Variants in PPP2R2B observed in about 807,000 individuals in gnomAD.
PPP2R2B encodes serine/threonine-protein phosphatase 2A 55 kDa regulatory subunit B beta isoform.
A neutral mutation model predicts 46.0 loss-of-function variants in PPP2R2B; 5 were observed. That is an observed-to-expected ratio of 0.11 (90% CI 0.06 to 0.23). PPP2R2B has a LOEUF of 0.23. Ranked by LOEUF, PPP2R2B falls within the 10% of genes least tolerant of loss-of-function variation. The pLI, the probability that PPP2R2B is intolerant of heterozygous loss-of-function variation, is 1.00. For missense variants in PPP2R2B, 367 were observed against 575.0 expected, an observed-to-expected ratio of 0.64 and a Z score of 3.70; for synonymous variants, 215 against 206.7, an observed-to-expected ratio of 1.04 and a Z score of -0.34.
intron 1 of PPP2R2B, among the ~76,000 whole-genome samples, chr5:147,019,451 A>C (rs1710351870): frequency 1.3e-5 from 2 of 152,216 alleles, no homozygotes; most frequent in South Asian, 4.1e-4. Flanking sequence ...GTATGTATAC[A>C]ATATCCACCA....
At chr5:146,735,699 A>G (rs1278529614) in intron 2 of PPP2R2B, among the ~76,000 whole-genome samples, 2 of 152,190 alleles carry the variant, frequency 1.3e-5, no homozygotes, top group Admixed American at 6.5e-5. Context: ...GCTGAGGGAC[A>G]CTTGTCAAAA....
At chr5:146,898,050 T>G (rs1268330520) in intron 1 of PPP2R2B, among the ~76,000 whole-genome samples, 1 of 152,084 alleles carries the variant, frequency 6.6e-6, no homozygotes, top group Non-Finnish European at 1.5e-5. Context: ...CCGGGTGTGG[T>G]GGCAGGAGCC....
chr5:146,856,521 A>G (rs752678777), intron 2 of PPP2R2B: 5 of 1,609,634 alleles, frequency 3.1e-6, no homozygotes, highest in South Asian at 2.2e-5. Flanking sequence ...AGGTGTTTTC[A>G]TCTGGATAAT....
At chr5:146,997,935 G>A (rs1429151520) in intron 1 of PPP2R2B, among the ~76,000 whole-genome samples, 4 of 152,148 alleles carry the variant, frequency 2.6e-5, no homozygotes, top group Non-Finnish European at 4.4e-5. Context: ...GCAATGCAAA[G>A]TTTGATTTAA....
intron 1 of PPP2R2B, among the ~76,000 whole-genome samples, chr5:147,031,842 C>T (rs764796630): frequency 6.6e-6 from 1 of 152,086 alleles, no homozygotes; most frequent in Non-Finnish European, 1.5e-5. Flanking sequence ...TGCCTAGCCA[C>T]ATGTAGGATA....
At chr5:146,867,291 T>C (rs761383328) in intron 2 of PPP2R2B, among the ~76,000 whole-genome samples, 1 of 152,220 alleles carries the variant, frequency 6.6e-6, no homozygotes, top group Non-Finnish European at 1.5e-5. Flanking sequence ...GTCTTTGTCA[T>C]TTGGGGGACA....
chr5:146,665,430 T>C (rs1776927942), intron 5 of PPP2R2B, among the ~76,000 whole-genome samples: 1 of 152,192 alleles, frequency 6.6e-6, no homozygotes, highest in Non-Finnish European at 1.5e-5. Flanking sequence ...AATTTTTTAT[T>C]CTGCAGCTTC....
chr5:146,727,994 TA>T (rs1050985321), intron 2 of PPP2R2B, among the ~76,000 whole-genome samples: 3 of 152,184 alleles, frequency 2.0e-5, no homozygotes, highest in South Asian at 2.1e-4. Flanking sequence ...GGATGGAGTT[TA>T]AAATTTTACT....
At chr5:147,059,465 AG>A (rs1312017238), upstream of PPP2R2B, among the ~76,000 whole-genome samples, 5 of 152,176 alleles carry the variant, frequency 3.3e-5, no homozygotes, top group African/African-American at 1.2e-4. Flanking sequence ...CAGGGTCACC[AG>A]GAGAGGAATG....
intron 5 of PPP2R2B, among the ~76,000 whole-genome samples, chr5:146,684,089 G>A (rs1324804060): frequency 6.6e-6 from 1 of 152,154 alleles, no homozygotes; most frequent in Non-Finnish European, 1.5e-5. Flanking sequence ...TATGGAATAG[G>A]CTTGATTGAT....
chr5:146,798,961 T>C (rs917776556), intron 2 of PPP2R2B, among the ~76,000 whole-genome samples: 1 of 152,124 alleles, frequency 6.6e-6, no homozygotes, highest in African/African-American at 2.4e-5. Flanking sequence ...CAGAGTGACT[T>C]TGAGAATTTA....
intron 6 of PPP2R2B, among the ~76,000 whole-genome samples, chr5:146,649,680 C>T (rs559116071): frequency 7.1e-4 from 108 of 152,198 alleles, no homozygotes; most frequent in South Asian, 1.7e-3. Flanking sequence ...AAACCTCTGA[C>T]CTGAAGCAAT....
At chr5:146,699,715 T>C (rs1175248452) in intron 3 of PPP2R2B, among the ~76,000 whole-genome samples, 1 of 140,736 alleles carries the variant, frequency 7.1e-6, no homozygotes, top group Non-Finnish European at 1.5e-5. Context: ...GGTTTGAAAA[T>C]GAGTGTTCAA....
At chr5:147,056,368 AT>A (rs1432452879), upstream of PPP2R2B, among the ~76,000 whole-genome samples, 4 of 152,220 alleles carry the variant, frequency 2.6e-5, no homozygotes, top group East Asian at 5.8e-4. Context: ...AGGACCATTT[AT>A]CATTTAGGTG....
At chr5:146,778,280 A>C (rs1284026038) in intron 2 of PPP2R2B, among the ~76,000 whole-genome samples, 1 of 152,226 alleles carries the variant, frequency 6.6e-6, no homozygotes, top group Non-Finnish European at 1.5e-5. Flanking sequence ...ATGGCTTTTA[A>C]AAATTCAGAG....
At chr5:146,642,497 G>A (rs993777267) in intron 6 of PPP2R2B, among the ~76,000 whole-genome samples, 1 of 152,208 alleles carries the variant, frequency 6.6e-6, no homozygotes, top group Non-Finnish European at 1.5e-5. Flanking sequence ...GAACAAGGAA[G>A]TGATTAGATG....
At chr5:147,060,647 C>CA (rs1757229940), upstream of PPP2R2B, among the ~76,000 whole-genome samples, 1 of 151,894 alleles carries the variant, frequency 6.6e-6, no homozygotes, top group Non-Finnish European at 1.5e-5. Context: ...AAAGAAACAA[C>CA]AAAAAAACAA....
intron 2 of PPP2R2B, among the ~76,000 whole-genome samples, chr5:146,725,074 G>C (rs930216356): frequency 2.0e-5 from 3 of 152,054 alleles, no homozygotes; most frequent in African/African-American, 7.2e-5. Flanking sequence ...AAATTCCTCA[G>C]CAGCATTTTT....
At chr5:146,940,764 C>T (rs999024037) in intron 1 of PPP2R2B, among the ~76,000 whole-genome samples, 1 of 152,148 alleles carries the variant, frequency 6.6e-6, no homozygotes, top group Non-Finnish European at 1.5e-5. Flanking sequence ...ACATATCCTC[C>T]CCATGCATCC....
Sources: gnomAD v4.1 joint callset for allele counts (sites outside exome capture counted in the v4.1 genomes callset) on GRCh38, gnomAD v4.1.1 for gene constraint, MANE v1.5 for transcripts, NCBI Gene and HGNC (gene_info 2026-07-23, HGNC 2026-07-21) for gene names.